Variants in ROR1 observed in about 807,000 individuals in gnomAD.
The protein encoded by ROR1 is ROR family WNT receptor 1.
Under a neutral mutation model 78.8 loss-of-function variants are expected in ROR1, and 19 were observed. The observed-to-expected ratio is 0.24, with a 90% CI of 0.17 to 0.35. The LOEUF (loss-of-function observed/expected upper bound fraction) is 0.35, where lower values mean the gene tolerates loss of function less well. Among genes scored for constraint, ROR1 ranks in the 10% least tolerant of loss-of-function variants. The pLI, the probability that ROR1 is intolerant of heterozygous loss-of-function variation, is 1.00. For missense variants in ROR1, 917 were observed against 1,177.8 expected (o/e 0.78, Z 3.24); for synonymous variants, 386 against 433.6 (o/e 0.89, Z 1.36).
In ROR1 at chr1:64,135,001, G is replaced by A. The variant is rs556883990; in HGVS notation, c.483-2368G>A. Among the ~76,000 whole-genome samples, 615 of 152,098 alleles carry A rather than the reference G, an allele frequency of 4.0e-3. 1 individual carries two copies. Among genetic ancestry groups the A allele is most frequent in the Middle Eastern group, 6.8e-3 (2 of 292 alleles). On this transcript the variant is annotated intron_variant, in intron 4 of 8. Transcript: ENST00000371079. The stretch of plus-strand genomic sequence containing the variant: ...TGACCTCAGATGATCCACCCGTCTC[G>A]GCCTCCCAGTGTGCTGCCAAGGCGA...
At chr1:64,155,796 G>A (rs755780237) in intron 7 of ROR1, among the ~76,000 whole-genome samples, 2 of 152,082 alleles carry the variant, frequency 1.3e-5, no homozygotes, top group African/African-American at 2.4e-5. Flanking sequence ...TGATTTCACT[G>A]AAAAACCAAG....
chr1:64,097,384 C>A (rs1647339218), intron 4 of ROR1, among the ~76,000 whole-genome samples: 1 of 152,098 alleles, frequency 6.6e-6, no homozygotes. Context: ...AGGAGAATCT[C>A]CTTATTTTGA....
intron 1 of ROR1, among the ~76,000 whole-genome samples, chr1:63,805,727 A>G (rs1557505350): frequency 6.6e-6 from 1 of 152,230 alleles, no homozygotes. Flanking sequence ...AAGATGCTTC[A>G]TTACAGGCCG....
chr1:64,135,261 CT>C (rs1225261754), intron 4 of ROR1, among the ~76,000 whole-genome samples: 1 of 152,092 alleles, frequency 6.6e-6, no homozygotes, highest in Non-Finnish European at 1.5e-5. Context: ...TTCAAAGAGT[CT>C]TTTTAAGAGT....
intron 2 of ROR1, among the ~76,000 whole-genome samples, chr1:64,011,148 C>G (rs1646471404): frequency 6.6e-6 from 1 of 152,154 alleles, no homozygotes; most frequent in African/African-American, 2.4e-5. Context: ...CACCTTAAAT[C>G]AAAGGACATT....
chr1:63,797,031 A>G (rs536432941), intron 1 of ROR1, among the ~76,000 whole-genome samples: 4 of 152,320 alleles, frequency 2.6e-5, no homozygotes, highest in African/African-American at 9.6e-5. Flanking sequence ...AATTGATTCT[A>G]GATGTTAAAC....
intron 1 of ROR1, among the ~76,000 whole-genome samples, chr1:63,786,292 A>T (rs1303560329): frequency 1.3e-4 from 4 of 29,842 alleles, no homozygotes; most frequent in Non-Finnish European, 1.4e-4. Context: ...TTTTTTTTTG[A>T]GACAGAGTCT....
intron 1 of ROR1, among the ~76,000 whole-genome samples, chr1:63,930,855 A>G (rs570817426): frequency 2.6e-5 from 4 of 152,336 alleles, no homozygotes; most frequent in South Asian, 2.1e-4. Context: ...AAATGTTAAT[A>G]ACTATGGCAG....
intron 1 of ROR1, among the ~76,000 whole-genome samples, chr1:64,007,799 A>G (rs1646441004): frequency 6.6e-6 from 1 of 152,156 alleles, no homozygotes; most frequent in Non-Finnish European, 1.5e-5. Flanking sequence ...TACAGGAGCA[A>G]TGTTGTTCTT....
At chr1:63,856,007 A>G (rs141172410) in intron 1 of ROR1, among the ~76,000 whole-genome samples, 3 of 152,026 alleles carry the variant, frequency 2.0e-5, no homozygotes, top group African/African-American at 7.2e-5. Flanking sequence ...TTTTGAACTT[A>G]GGGAATATAG....
intron 1 of ROR1, among the ~76,000 whole-genome samples, chr1:63,970,717 G>A (rs926221950): frequency 6.6e-6 from 1 of 152,178 alleles, no homozygotes; most frequent in Non-Finnish European, 1.5e-5. Context: ...TCTGCCAGGC[G>A]CCTTCTAACT....
chr1:63,874,473 T>A (rs1405459751), intron 1 of ROR1, among the ~76,000 whole-genome samples: 10 of 152,130 alleles, frequency 6.6e-5, no homozygotes, highest in Admixed American at 5.9e-4. Flanking sequence ...AGATCACTTG[T>A]CCAACTTTCC....
chr1:63,981,631 G>A (rs1646211018), intron 1 of ROR1, among the ~76,000 whole-genome samples: 1 of 152,128 alleles, frequency 6.6e-6, no homozygotes, highest in African/African-American at 2.4e-5. Flanking sequence ...TTGAGAGCTG[G>A]TGTCCTGGGA....
At chr1:63,895,122 A>G (rs920999612) in intron 1 of ROR1, among the ~76,000 whole-genome samples, 2 of 152,176 alleles carry the variant, frequency 1.3e-5, no homozygotes, top group African/African-American at 4.8e-5. Context: ...AAAGTTTATC[A>G]AGCTTTTTAG....
chr1:63,953,966 AG>A (rs1645961722), intron 1 of ROR1, among the ~76,000 whole-genome samples: 3 of 152,326 alleles, frequency 2.0e-5, no homozygotes, highest in Admixed American at 1.3e-4. Context: ...CTGGGGCAGC[AG>A]CCAAGTGGAG....
At chr1:64,104,191 G>A (rs1040435302) in intron 4 of ROR1, among the ~76,000 whole-genome samples, 2 of 152,064 alleles carry the variant, frequency 1.3e-5, no homozygotes, top group Non-Finnish European at 2.9e-5. Context: ...AGAAACTCAG[G>A]CTTAGAGGGG....
chr1:63,870,428 A>G (rs1430955574), intron 1 of ROR1, among the ~76,000 whole-genome samples: 1 of 152,174 alleles, frequency 6.6e-6, no homozygotes, highest in Non-Finnish European at 1.5e-5. Context: ...TAGTATTTTC[A>G]TCATAAATCT....
At chr1:63,828,341 A>T (rs1466676896) in intron 1 of ROR1, among the ~76,000 whole-genome samples, 1 of 152,204 alleles carries the variant, frequency 6.6e-6, no homozygotes, top group Non-Finnish European at 1.5e-5. Flanking sequence ...TGTCTTTATT[A>T]TGTAATTTCC....
intron 4 of ROR1, among the ~76,000 whole-genome samples, chr1:64,061,385 A>G (rs1221551891): frequency 1.3e-5 from 2 of 152,192 alleles, no homozygotes; most frequent in African/African-American, 2.4e-5. Context: ...AGCTTCTACA[A>G]TAGGTTCCAG....
Sources: allele counts gnomAD v4.1 joint callset (sites outside exome capture counted in the v4.1 genomes callset), GRCh38; gene constraint gnomAD v4.1.1; transcripts MANE v1.5; gene names NCBI Gene and HGNC (gene_info 2026-07-23, HGNC 2026-07-21).